WDR27: variants seen among roughly 807,000 people sequenced by gnomAD.
The protein encoded by WDR27 is WD repeat domain 27.
WDR27 carries 100 observed loss-of-function variants against 114.4 expected under a neutral mutation model. The ratio of observed to expected loss-of-function variants is 0.87; its 90% CI spans 0.74 to 1.03. WDR27 has a LOEUF of 1.03. WDR27 is among the 50% of genes least tolerant of loss of function. The pLI is 0.00. For synonymous variants in WDR27, 449 were observed against 423.1 expected, an observed-to-expected ratio of 1.06 and a Z score of -0.75; for missense variants, 1,129 against 1,092.9, an observed-to-expected ratio of 1.03 and a Z score of -0.47.
chr6:169,634,424 A>G lies in WDR27; in HGVS notation c.2101+4T>C, dbSNP rs763520915. The G allele has an allele frequency of 6.2e-7, 1 of 1,608,312 alleles. No homozygotes were observed. The highest frequency in any genetic ancestry group is 8.5e-7 in the Non-Finnish European group (1 of 1,176,500). On this transcript the variant is annotated splice_donor_region_variant and intron_variant, in intron 20 of 25. Transcript: ENST00000448612. ...ACCCTACCAGGATCCGGGAGAAAGG[A>G]TACGGGAATAAAAGTCGTTGACTGC... is the stretch of plus-strand genomic sequence containing the variant.
chr6:169,521,500 A>G (rs564685595), intron 25 of WDR27, among the ~76,000 whole-genome samples: 1 of 152,246 alleles, frequency 6.6e-6, no homozygotes, highest in South Asian at 2.1e-4. Context: ...AGACAAACCC[A>G]AAATGCTCTA....
chr6:169,472,243 T>C (rs1227200396), intron 25 of WDR27, among the ~76,000 whole-genome samples: 2 of 152,178 alleles, frequency 1.3e-5, no homozygotes, highest in East Asian at 3.9e-4. Context: ...ACACAGGCAA[T>C]GCCCTGAGTC....
intron 22 of WDR27, among the ~76,000 whole-genome samples, chr6:169,604,451 T>C (rs1808696129): frequency 6.6e-6 from 1 of 151,620 alleles, no homozygotes; most frequent in African/African-American, 2.4e-5. Flanking sequence ...AAAGACTGAA[T>C]CAAGAAAAAA....
At chr6:169,526,330 A>T (rs995633060) in intron 25 of WDR27, among the ~76,000 whole-genome samples, 4 of 152,194 alleles carry the variant, frequency 2.6e-5, no homozygotes, top group Non-Finnish European at 4.4e-5. Flanking sequence ...TAAGCATCCA[A>T]GGCCAGGCGC....
chr6:169,587,590 T>C (rs1261196234), intron 23 of WDR27, among the ~76,000 whole-genome samples: 1 of 152,204 alleles, frequency 6.6e-6, no homozygotes, highest in Non-Finnish European at 1.5e-5. Context: ...GCTTCTCCTG[T>C]TATCTTGAAC....
chr6:169,534,678 T>C lies in WDR27; in HGVS notation c.2645+37741A>G, dbSNP rs142146175. On this transcript the variant is annotated intron_variant, in intron 25 of 25. Coordinates refer to ENST00000448612, the MANE Select transcript of WDR27 (RefSeq NM_182552.5). Reference sequence around the variant, plus strand: ...CTAAATTATCTAATTTATTGTAATATAGTAGTTAAAATATTCATTTATAAT... The same window carrying C: ...CTAAATTATCTAATTTATTGTAATACAGTAGTTAAAATATTCATTTATAAT... 1.4e-3 allele frequency among the ~76,000 whole-genome samples: 209 copies of C among 152,108 alleles called. 4 individuals carry two copies. The East Asian group carries it at 0.032, about 24-fold the overall frequency.
intron 25 of WDR27, among the ~76,000 whole-genome samples, chr6:169,516,788 A>AACACACACACACACACACACACAC (rs3032851): frequency 2.5e-5 from 3 of 119,262 alleles, no homozygotes; most frequent in Non-Finnish European, 3.5e-5. Flanking sequence ...GGCATGCTCC[A>AACACACACACACACACACACACAC]ACACACACAC....
the WDR27 span, among the ~76,000 whole-genome samples, chr6:169,438,430 G>A: frequency 1.3e-5 from 2 of 151,794 alleles, no homozygotes; most frequent in East Asian, 1.9e-4. Context: ...GTAGAGATGG[G>A]GTTTCACCAT....
intron 1 of WDR27, among the ~76,000 whole-genome samples, chr6:169,695,331 G>A (rs1785612563): frequency 6.6e-6 from 1 of 152,172 alleles, no homozygotes; most frequent in Non-Finnish European, 1.5e-5. Context: ...AACAACAAGA[G>A]ACCCCACTTA....
At chr6:169,640,206 C>T (rs1175885646) in intron 17 of WDR27, among the ~76,000 whole-genome samples, 1 of 152,156 alleles carries the variant, frequency 6.6e-6, no homozygotes, top group African/African-American at 2.4e-5. Context: ...CGGGATCTCC[C>T]CACGGAGCAG....
chr6:169,591,279 A>T (rs1295179428), intron 23 of WDR27, among the ~76,000 whole-genome samples: 1 of 152,134 alleles, frequency 6.6e-6, no homozygotes, highest in Non-Finnish European at 1.5e-5. Flanking sequence ...CAAAATGTCT[A>T]TTATTCAAGC....
chr6:169,681,473 G>A (rs1418715682), intron 2 of WDR27, among the ~76,000 whole-genome samples: 1 of 152,232 alleles, frequency 6.6e-6, no homozygotes, highest in Non-Finnish European at 1.5e-5. Context: ...CTAGGTGGCT[G>A]ATTCACTAAG....
At position 169,653,769 on chromosome 6, in the gene WDR27, T is replaced by C. The variant is rs117082876; in HGVS notation, c.1403-1761A>G. ...AAGATATTGAAACTGAGGTGAGCTG[T>C]GGATGGCGGCACCTCCAGCCACACA... is the stretch of plus-strand genomic sequence containing the variant. On this transcript the variant is annotated intron_variant, in intron 13 of 25. Coordinates refer to ENST00000448612, the MANE Select transcript of WDR27 (RefSeq NM_182552.5). 1.5e-3 allele frequency among the ~76,000 whole-genome samples: 221 copies of C among 152,334 alleles called. 2 individuals are homozygous for C. In the East Asian group the frequency reaches 0.032, roughly 22 times the overall value.
intron 17 of WDR27, among the ~76,000 whole-genome samples, chr6:169,639,475 G>GAA (rs201405578): frequency 8.8e-5 from 13 of 147,484 alleles, no homozygotes; most frequent in Admixed American, 3.4e-4. Context: ...AGAAAAAAGT[G>GAA]AAAAAAAAAA....
intron 1 of WDR27, among the ~76,000 whole-genome samples, chr6:169,692,914 A>G (rs952808198): frequency 1.3e-5 from 2 of 152,166 alleles, no homozygotes; most frequent in Admixed American, 1.3e-4. Flanking sequence ...TCACCTGAGA[A>G]ACCAGAATGC....
At chr6:169,500,534 C>T (rs1791045193) in intron 25 of WDR27, among the ~76,000 whole-genome samples, 2 of 152,194 alleles carry the variant, frequency 1.3e-5, no homozygotes, top group South Asian at 2.1e-4. Flanking sequence ...CGCTGGTCTA[C>T]GACCGAGAAG....
intron 22 of WDR27, among the ~76,000 whole-genome samples, chr6:169,608,206 T>C (rs938501642): frequency 6.6e-6 from 1 of 152,148 alleles, no homozygotes; most frequent in Non-Finnish European, 1.5e-5. Flanking sequence ...TGGCATACAA[T>C]CCAGCAGTCT....
chr6:169,654,700 G>A (rs1250611007), intron 13 of WDR27, among the ~76,000 whole-genome samples: 4 of 141,460 alleles, frequency 2.8e-5, no homozygotes, highest in African/African-American at 1.1e-4. Flanking sequence ...GCGAGCTGAG[G>A]AGGAGGCGCG....
intron 25 of WDR27, 77 bp from the exon 26 acceptor site, chr6:169,457,711 A>G: frequency 8.7e-7 from 1 of 1,143,820 alleles, no homozygotes; most frequent in Non-Finnish European, 1.3e-6. Context: ...AATAAGCCCA[A>G]AGTGTGTTAT....
Sources: allele counts gnomAD v4.1 joint callset (sites outside exome capture counted in the v4.1 genomes callset), GRCh38; gene constraint gnomAD v4.1.1; transcripts MANE v1.5; gene names NCBI Gene and HGNC (gene_info 2026-07-23, HGNC 2026-07-21).